The following LAMA1 variants were observed in gnomAD, a reference collection of about 807,000 sequenced individuals.
LAMA1 encodes the protein laminin subunit alpha 1, also known as laminin subunit alpha-1.
Under a neutral mutation model 348.7 loss-of-function variants are expected in LAMA1, and 219 were observed. The ratio of observed to expected loss-of-function variants is 0.63; its 90% CI spans 0.56 to 0.70. LAMA1 has a LOEUF of 0.70. Among genes scored for constraint, LAMA1 ranks in the 30% least tolerant of loss-of-function variants. The probability of loss-of-function intolerance (pLI) is 0.00; values close to 1 mark genes in which losing one functional copy is unlikely to be tolerated. For synonymous variants in LAMA1, 1,487 were observed against 1,491.0 expected, an observed-to-expected ratio of 1.00 and a Z score of 0.06; for missense variants, 3,744 against 3,888.0, an observed-to-expected ratio of 0.96 and a Z score of 0.99.
chr18:7,002,176 C>T, intron 30 of LAMA1, 88 bp downstream of exon 30: 5 of 1,535,134 alleles, frequency 3.3e-6, no homozygotes, highest in Non-Finnish European at 3.5e-6. Context: ...TCATTAACAA[C>T]AGACCACTCA....
Position 7,032,170 on chromosome 18 carries a change from G to A in LAMA1, c.2170C>T (p.Leu724Phe), listed in dbSNP as rs2057972933. The A allele has an allele frequency of 6.2e-7, 1 of 1,610,714 alleles. No homozygotes were observed. Among genetic ancestry groups the A allele is most frequent in the Non-Finnish European group, 8.5e-7 (1 of 1,176,892 alleles). The part of the protein sequence containing the change: ...GYTGTSCESC[L>F]SGYYRVDGIL... ...CCATCCACGCGGTAATAGCCAGAGA[G>A]GCACGACTGCAAGAGAAGGGAAAGT... The change falls in exon 16 of 63, where the codon CTC (leucine) becomes TTC (phenylalanine). Residue 724 changes from leucine to phenylalanine, a missense_variant. Physicochemically the swap from Leu to Phe is conservative, Grantham distance 22. Around this residue, in one of 3 missense-constraint regions of LAMA1, gnomAD observed 1,529 missense variants for 1,689.4 expected, o/e 0.91. Transcript: ENST00000389658.
At chr18:6,950,345 C>G (rs758268095) in intron 58 of LAMA1, among the ~76,000 whole-genome samples, 17 of 152,240 alleles carry the variant, frequency 1.1e-4, no homozygotes, top group African/African-American at 1.9e-4. Flanking sequence ...TGCTGCAAAA[C>G]CTGCCACTCT....
intron 5 of LAMA1, among the ~76,000 whole-genome samples, chr18:7,048,841 G>A (rs1389172908): frequency 6.6e-6 from 1 of 152,062 alleles, no homozygotes; most frequent in Admixed American, 6.6e-5. Flanking sequence ...CCACATTATG[G>A]CACTATGGGG....
chr18:6,988,621 G>A (rs1433238661), intron 36 of LAMA1, among the ~76,000 whole-genome samples: 3 of 152,060 alleles, frequency 2.0e-5, no homozygotes, highest in African/African-American at 7.2e-5. Flanking sequence ...CCAACATGGT[G>A]AAACCCTGTC....
At chr18:7,078,827 A>T (rs2058181427) in intron 3 of LAMA1, among the ~76,000 whole-genome samples, 1 of 151,970 alleles carries the variant, frequency 6.6e-6, no homozygotes, top group African/African-American at 2.4e-5. Context: ...TCTACTAAAA[A>T]CACAAAAAAA....
chr18:7,077,438 C>T (rs912731346), intron 3 of LAMA1, among the ~76,000 whole-genome samples: 1 of 152,036 alleles, frequency 6.6e-6, no homozygotes, highest in Non-Finnish European at 1.5e-5. Context: ...ATCTCCTGAC[C>T]TCGTGATCCG....
intron 16 of LAMA1, among the ~76,000 whole-genome samples, chr18:7,028,858 C>A (rs138922355): frequency 2.0e-5 from 3 of 152,184 alleles, no homozygotes; most frequent in Non-Finnish European, 4.4e-5. Context: ...TCGAAGGGAG[C>A]GGGGCTTGTT....
At chr18:7,108,602 G>A (rs1047359352) in intron 1 of LAMA1, among the ~76,000 whole-genome samples, 4 of 121,154 alleles carry the variant, frequency 3.3e-5, no homozygotes, top group Non-Finnish European at 3.2e-5. Flanking sequence ...GTTGCAGTGA[G>A]CCGAGACCAT....
Position 7,079,985 on chromosome 18 carries a change from T to G in LAMA1, c.335A>C (p.Asp112Ala). 6.2e-7 allele frequency: 1 copy of G among 1,613,194 alleles called. No individual in the cohort carries two copies. The highest frequency in any genetic ancestry group is 8.5e-7 in the Non-Finnish European group (1 of 1,179,098). ...REYHWVTITL[D>A]LRQVFQVAYV... ...TCTGGGCTCACCTACCTGTCTTAAG[T>G]CCAGAGTGATTGTGACCCAGTGATA... Residue 112 changes from aspartate (D) to alanine (A), a missense_variant, in exon 3 of 63, where the codon GAC (aspartate) becomes GCC (alanine). Transcript: ENST00000389658.
At chr18:6,979,670 C>A (rs575565884) in intron 42 of LAMA1, among the ~76,000 whole-genome samples, 1 of 152,158 alleles carries the variant, frequency 6.6e-6, no homozygotes, top group Non-Finnish European at 1.5e-5. Context: ...GAGGCCAAGG[C>A]GGGCGGATCA....
chr18:7,024,524 T>C, intron 17 of LAMA1, 58 bp from the exon 18 acceptor site: 1 of 1,326,658 alleles, frequency 7.5e-7, no homozygotes, highest in Non-Finnish European at 1.1e-6. Flanking sequence ...AATTTCTAAC[T>C]ATTTAAAATG....
At chr18:6,971,707 A>G (rs2057659032) in intron 48 of LAMA1, 150 bp downstream of exon 48, 1 of 1,067,608 alleles carries the variant, frequency 9.4e-7, no homozygotes, top group East Asian at 2.5e-5. Flanking sequence ...AAACGTATGA[A>G]AAAGCATGGC....
At position 7,040,180 on chromosome 18, in the gene LAMA1, G is replaced by A. The variant is rs780444688; in HGVS notation, c.1318C>T (p.Arg440Cys). The change falls in exon 10 of 63, where the codon CGC becomes TGC. Residue 440 changes from arginine to cysteine, a missense_variant. This residue lies in a region of LAMA1 where 1,529 missense variants were observed against 1,689.4 expected (regional missense o/e 0.91). Coordinates refer to ENST00000389658, the MANE Select transcript of LAMA1 (RefSeq NM_005559.4). ...TAATCCTTATAGCCAAGTTGGCAGC[G>A]ATCACATTTTTCTCCTGTATAACCT... Reference protein sequence around the residue: ...KEGYTGEKCDRCQLGYKDYPT... With the variant: ...KEGYTGEKCDCCQLGYKDYPT... 1.5e-5 allele frequency: 24 copies of A among 1,613,932 alleles called. No individual in the cohort carries two copies. In the Admixed American group the frequency reaches 1.5e-4, roughly 10 times the overall value.
chr18:7,116,634 C>T (rs12957742), intron 1 of LAMA1, among the ~76,000 whole-genome samples: 64,802 of 151,914 alleles, frequency 0.43, 16,329 homozygotes, highest in South Asian at 0.63. Flanking sequence ...CGTGGGAATA[C>T]GCCCATTGTC....
intron 9 of LAMA1, 139 bp downstream of exon 9, chr18:7,042,006 G>A (rs2058022477): frequency 2.9e-6 from 2 of 691,560 alleles, no homozygotes; most frequent in Non-Finnish European, 5.3e-6. Context: ...ACACATAGTA[G>A]GTGCTTGATA....
intron 1 of LAMA1, among the ~76,000 whole-genome samples, chr18:7,103,106 G>A (rs2058297701): frequency 6.6e-6 from 1 of 152,194 alleles, no homozygotes; most frequent in South Asian, 2.1e-4. Flanking sequence ...TCCTGACCTT[G>A]TATTCTGGTT....
Position 6,943,212 on chromosome 18 carries a change from G to C in LAMA1, c.9035C>G (p.Thr3012Ser), listed in dbSNP as rs1339172542. 1 of 1,614,210 alleles carries C rather than the reference G, an allele frequency of 6.2e-7. No individual in the cohort carries two copies. The change falls in exon 62 of 63, where the codon ACC (threonine) becomes AGC (serine). Residue 3012 changes from threonine (T) to serine (S), a missense_variant. Around this residue, in one of 3 missense-constraint regions of LAMA1, gnomAD observed 232 missense variants for 264.4 expected, o/e 0.88. Transcript: ENST00000389658. ...SPHTQSTSVD[T>S]NNPIYVGGYP... The stretch of plus-strand genomic sequence containing the variant: ...GCCACCAACATAAATGGGATTGTTG[G>C]TGTCCACTGAGGTAGACTGGGTGTG...
Position 7,117,271 on chromosome 18 carries a change from C to T in LAMA1, c.61+389G>A, listed in dbSNP as rs906873053. 2.0e-5 allele frequency among the ~76,000 whole-genome samples: 3 copies of T among 151,830 alleles called. No individual in the cohort carries two copies. The South Asian group carries it at 6.2e-4, about 32-fold the overall frequency. On this transcript the variant is annotated intron_variant, in intron 1 of 62. Coordinates refer to ENST00000389658, the MANE Select transcript of LAMA1 (RefSeq NM_005559.4). ...CGCCCGGCCAACAGCCCCGCCACCC[C>T]CGCCCGCGCAGCCGGGGCACTAAAA...
rs1046883856 is a variant in LAMA1 at position 7,036,137 on chromosome 18, C to T, written c.1738-49G>A. 3 of 1,333,490 alleles carry T rather than the reference C, an allele frequency of 2.2e-6. No individual in the cohort carries two copies. In the African/African-American group the frequency reaches 4.3e-5, roughly 19 times the overall value. 82.6% of individuals were successfully genotyped at this position (1,333,490 alleles called of 1,614,324 possible). ...ACACGAAAGGGGAAGACAATCACAGCAACAATCAAGTAAGAGGAAGTGGTC... is the reference window on the plus strand; with the variant it reads ...ACACGAAAGGGGAAGACAATCACAGTAACAATCAAGTAAGAGGAAGTGGTC... On this transcript the variant is annotated intron_variant, in intron 12 of 62. Coordinates refer to ENST00000389658, the MANE Select transcript of LAMA1 (RefSeq NM_005559.4).
Sources: gnomAD v4.1 joint callset for allele counts (sites outside exome capture counted in the v4.1 genomes callset) on GRCh38, gnomAD v4.1.1 for gene constraint, gnomAD v4.1.1 regional missense constraint, MANE v1.5 for transcripts, NCBI Gene and HGNC (gene_info 2026-07-23, HGNC 2026-07-21) for gene names.